SNX30: variants seen among roughly 807,000 people sequenced by gnomAD.
The protein encoded by SNX30 is sorting nexin-30.
A neutral mutation model predicts 46.4 loss-of-function variants in SNX30; 24 were observed. That is an observed-to-expected ratio of 0.52 (90% CI 0.37 to 0.73). The LOEUF (loss-of-function observed/expected upper bound fraction) is 0.73. SNX30 is among the 30% of genes least tolerant of loss of function. The pLI is 0.00. For missense variants in SNX30, 533 were observed against 555.7 expected (o/e 0.96, Z 0.41); for synonymous variants, 189 against 211.5 (o/e 0.89, Z 0.92).
Position 112,836,534 on chromosome 9 carries a change from A to G in SNX30, c.814+125A>G, listed in dbSNP as rs1283821716. ...GACAGAACTAGGCCATCTTTTGCTT[A>G]TCAAAGAAATACAAGGAGGGGAGGA... On this transcript the variant is annotated intron_variant, in intron 5 of 8. Transcript: ENST00000374232. 7 of 1,032,144 alleles carry G rather than the reference A, an allele frequency of 6.8e-6. No homozygotes were observed. In the Admixed American group the frequency reaches 8.1e-5, roughly 12 times the overall value. 63.9% of individuals were successfully genotyped at this position (1,032,144 alleles called of 1,614,324 possible). A position where few individuals can be genotyped will look rare whatever the true frequency, so the allele number is the denominator to read the frequency against.
At chr9:112,830,451 T>G (rs1840644072) in intron 3 of SNX30, among the ~76,000 whole-genome samples, 3 of 152,162 alleles carry the variant, frequency 2.0e-5, no homozygotes, top group Non-Finnish European at 1.5e-5. Context: ...TCAAGCAATG[T>G]AAAAATTACT....
At chr9:112,830,212 C>CA (rs1258417180) in intron 3 of SNX30, among the ~76,000 whole-genome samples, 1 of 151,924 alleles carries the variant, frequency 6.6e-6, no homozygotes, top group African/African-American at 2.4e-5. Flanking sequence ...AAACCTAAAC[C>CA]AAAAAATTGG....
At chr9:112,812,943 T>A (rs1362453791) in intron 2 of SNX30, among the ~76,000 whole-genome samples, 1 of 152,142 alleles carries the variant, frequency 6.6e-6, no homozygotes, top group African/African-American at 2.4e-5. Context: ...GGTCAGGAAT[T>A]TGAGACCAGC....
intron 6 of SNX30, among the ~76,000 whole-genome samples, chr9:112,848,745 G>A (rs1840978563): frequency 6.6e-6 from 1 of 152,230 alleles, no homozygotes; most frequent in Non-Finnish European, 1.5e-5. Context: ...TCTCCTGTGG[G>A]CCAGGGCAGG....
At chr9:112,847,326 G>A (rs1048067655) in intron 6 of SNX30, among the ~76,000 whole-genome samples, 2 of 152,110 alleles carry the variant, frequency 1.3e-5, no homozygotes, top group African/African-American at 2.4e-5. Flanking sequence ...GACTCATCTG[G>A]TTCTGTCTCT....
intron 1 of SNX30, among the ~76,000 whole-genome samples, chr9:112,769,097 T>C (rs1017460503): frequency 6.6e-6 from 1 of 152,192 alleles, no homozygotes; most frequent in Admixed American, 6.5e-5. Flanking sequence ...TGGCTAATGG[T>C]ACAAACACCT....
Position 112,869,096 on chromosome 9 carries a change from A to C in SNX30, c.*253A>C. 1 of 459,236 alleles carries C rather than the reference A, an allele frequency of 2.2e-6. No homozygotes were observed. The highest frequency in any genetic ancestry group is 3.1e-5 in the South Asian group (1 of 32,008). 28.4% of individuals were successfully genotyped at this position (459,236 alleles called of 1,614,324 possible). On this transcript the variant is annotated 3_prime_UTR_variant, in exon 9 of 9. Coordinates refer to ENST00000374232, the MANE Select transcript of SNX30 (RefSeq NM_001012994.2). ...CTCCATGTTGTGAAGGCATCTGTTCAGTGAAGCACTACGAAAATTTGAAAC... is the reference window on the plus strand; with the variant it reads ...CTCCATGTTGTGAAGGCATCTGTTCCGTGAAGCACTACGAAAATTTGAAAC...
At chr9:112,776,494 A>T (rs1385861317) in intron 1 of SNX30, among the ~76,000 whole-genome samples, 1 of 152,070 alleles carries the variant, frequency 6.6e-6, no homozygotes, top group African/African-American at 2.4e-5. Flanking sequence ...GAGCATGCCG[A>T]GTTTCCAGTC....
In SNX30 at chr9:112,785,348, T is replaced by A. The variant is rs1839905490; in HGVS notation, c.157-19428T>A. ...CTCCCACCTCATCCTCCCGAGTAGCTGGGACTACAGGTGTGTACTACCATG... is the reference window on the plus strand; with the variant it reads ...CTCCCACCTCATCCTCCCGAGTAGCAGGGACTACAGGTGTGTACTACCATG... On this transcript the variant is annotated intron_variant, in intron 1 of 8. Coordinates refer to ENST00000374232, the MANE Select transcript of SNX30 (RefSeq NM_001012994.2). 2.6e-5 allele frequency among the ~76,000 whole-genome samples: 4 copies of A among 151,300 alleles called. No individual in the cohort carries two copies. The Admixed American group carries it at 2.6e-4, about 10-fold the overall frequency.
chr9:112,769,331 G>A (rs1007322307), intron 1 of SNX30, among the ~76,000 whole-genome samples: 15 of 152,146 alleles, frequency 9.9e-5, no homozygotes, highest in African/African-American at 3.6e-4. Flanking sequence ...TGGCCGCATA[G>A]CATCCTGGGC....
intron 7 of SNX30, among the ~76,000 whole-genome samples, chr9:112,852,178 G>T (rs1349390141): frequency 1.3e-5 from 2 of 151,974 alleles, no homozygotes; most frequent in Non-Finnish European, 2.9e-5. Context: ...AGGAGTTAGA[G>T]GCTGCAGTGT....
At chr9:112,792,882 C>CTTTTTTTT (rs11447466) in intron 1 of SNX30, among the ~76,000 whole-genome samples, 1 of 146,828 alleles carries the variant, frequency 6.8e-6, no homozygotes, top group Non-Finnish European at 1.5e-5. Flanking sequence ...TTTCTTTAGG[C>CTTTTTTTT]TTTTTTTTTT....
downstream of SNX30, among the ~76,000 whole-genome samples, chr9:112,884,612 T>G (rs529137619): frequency 6.6e-6 from 1 of 152,338 alleles, no homozygotes; most frequent in African/African-American, 2.4e-5. Flanking sequence ...GTGGGTGGGA[T>G]CCTGATAGCA....
At chr9:112,847,262 G>GTATCCCAGCCGTCCCGCGCA (rs1840952823) in intron 6 of SNX30, among the ~76,000 whole-genome samples, 1 of 151,002 alleles carries the variant, frequency 6.6e-6, no homozygotes, top group African/African-American at 2.4e-5. Context: ...CGTCCCGTGC[G>GTATCCCAGCCGTCCCGCGCA]TATCCCAGCC....
In SNX30 at chr9:112,751,030, CGTCCACGGG is replaced by C; in HGVS notation, c.31_39del (p.Ser11_Gly13del). On this transcript the variant is annotated inframe_deletion, in exon 1 of 9. Transcript: ENST00000374232. ...GCGGGCGGGCCCCCCAAGGCCCTGC[CGTCCACGGG>C]GCCCCACTCCCTGCGCGACATGCCG... 7.0e-7 allele frequency: 1 copy of C among 1,435,750 alleles called. No homozygotes were observed. The highest frequency in any genetic ancestry group is 9.1e-7 in the Non-Finnish European group (1 of 1,094,388). The allele number at this position is 1,435,750 out of a possible 1,614,324, so 88.9% of individuals were successfully genotyped here. A position where few individuals can be genotyped will look rare whatever the true frequency, so the allele number is the denominator to read the frequency against.
chr9:112,767,761 T>TTTTA (rs991513748), intron 1 of SNX30, among the ~76,000 whole-genome samples: 2 of 151,586 alleles, frequency 1.3e-5, no homozygotes, highest in African/African-American at 2.4e-5. Flanking sequence ...AGCTAATTTT[T>TTTTA]TTTATTTATT....
intron 7 of SNX30, among the ~76,000 whole-genome samples, chr9:112,861,294 A>G (rs1413522538): frequency 1.3e-5 from 2 of 152,188 alleles, no homozygotes; most frequent in Non-Finnish European, 2.9e-5. Context: ...AAGCAGAAGT[A>G]TAGCTTAATC....
intron 2 of SNX30, among the ~76,000 whole-genome samples, chr9:112,807,855 C>G (rs1209596344): frequency 2.0e-5 from 3 of 152,226 alleles, no homozygotes; most frequent in African/African-American, 2.4e-5. Flanking sequence ...TATTTCTATC[C>G]CTTCTCTTGG....
intron 7 of SNX30, among the ~76,000 whole-genome samples, chr9:112,855,786 T>C (rs1307385646): frequency 6.6e-6 from 1 of 152,124 alleles, no homozygotes; most frequent in East Asian, 1.9e-4. Context: ...GACTTGGCCT[T>C]CTCCATGTTA....
Sources: gnomAD v4.1 joint callset for allele counts (sites outside exome capture counted in the v4.1 genomes callset) on GRCh38, gnomAD v4.1.1 for gene constraint, MANE v1.5 for transcripts, NCBI Gene and HGNC (gene_info 2026-07-23, HGNC 2026-07-21) for gene names.